Variants in ZNF200 observed in about 807,000 individuals in gnomAD.
ZNF200 encodes zinc finger protein 200.
ZNF200 carries 35 observed loss-of-function variants against 33.6 expected under a neutral mutation model. The observed-to-expected ratio is 1.04, with a 90% CI of 0.80 to 1.38. The LOEUF (loss-of-function observed/expected upper bound fraction) is 1.38, where lower values mean the gene tolerates loss of function less well. ZNF200 is among the 40% of genes most tolerant of loss of function. The pLI is 0.00. For synonymous variants in ZNF200, 209 were observed against 167.7 expected, an observed-to-expected ratio of 1.25 and a Z score of -1.90; for missense variants, 592 against 470.6, an observed-to-expected ratio of 1.26 and a Z score of -2.39.
rs1248728635 is a variant in ZNF200 at position 3,224,067 on chromosome 16, C to G, written c.1013G>C (p.Cys338Ser). Residue 338 changes from cysteine (C) to serine (S), a missense_variant, in exon 5 of 5, where the codon TGT becomes TCT. Transcript: ENST00000414144. The stretch of plus-strand genomic sequence containing the variant: ...TGGGAAGGTTTTCCCACATTCTGGA[C>G]ACTTAAATATCTTCTCCCTTATATG... ...GIHIREKIFK[C>S]PECGKTFPKN... 1 of 1,614,056 alleles carries G rather than the reference C, an allele frequency of 6.2e-7. No homozygotes were observed. Among genetic ancestry groups the G allele is most frequent in the Non-Finnish European group, 8.5e-7 (1 of 1,180,050 alleles).
At position 3,235,121 on chromosome 16, in the gene ZNF200, G is replaced by T. The variant is rs1265021663; in HGVS notation, c.-216C>A. ...TTCCGAGTGCCCTCACAGGTCGCCG[G>T]CGACTATTCGTTCGCGCCGCCGCCA... On this transcript the variant is annotated 5_prime_UTR_variant, in exon 1 of 5. Transcript: ENST00000414144. 1 of 152,228 alleles carries T rather than the reference G, an allele frequency of 6.6e-6. No homozygotes were observed. Among genetic ancestry groups the T allele is most frequent in the Non-Finnish European group, 1.5e-5 (1 of 68,048 alleles). The allele number at this position is 152,228 out of a possible 1,614,324, so 9.4% of individuals were successfully genotyped here.
rs758938874 is a variant in ZNF200, at chr16:3,233,692, G to A, written c.64C>T (p.Pro22Ser). The A allele has an allele frequency of 1.2e-6, 2 of 1,613,766 alleles. No homozygotes were observed. The highest frequency in any genetic ancestry group is 1.7e-5 in the Admixed American group (1 of 60,026). The change falls in exon 2 of 5, where the codon CCG becomes TCG. Residue 22 changes from proline to serine, a missense_variant. Physicochemically the swap from Pro to Ser is moderately conservative, Grantham distance 74. Coordinates refer to ENST00000414144, the MANE Select transcript of ZNF200 (RefSeq NM_198088.3). ...TCTTGGCCCAGCTTGGAGTCTGGCG[G>A]AACTCTCAGTATAAAGGACTGCTTT... ...KPKQSFILRVPPDSKLGQDLL... is the reference protein window; with the variant it reads ...KPKQSFILRVSPDSKLGQDLL...
In ZNF200 at chr16:3,224,003, C is replaced by G; in HGVS notation, c.1077G>C (p.Glu359Asp). Reference sequence around the variant, plus strand: ...TTTTGCAACCATATGGTCTCTCAGCCTCATGACTCTGCAGATGAAGCACAA... The same window carrying G: ...TTTTGCAACCATATGGTCTCTCAGCGTCATGACTCTGCAGATGAAGCACAA... ...EEFVLHLQSH[E>D]AERPYGCKKC... The change falls in exon 5 of 5, where the codon GAG becomes GAC. Residue 359 changes from glutamate (E) to aspartate (D), a missense_variant. Glu to Asp is a conservative substitution (Grantham distance 45, BLOSUM62 2). Transcript: ENST00000414144. 6.2e-7 allele frequency: 1 copy of G among 1,614,184 alleles called. No individual in the cohort carries two copies. Among genetic ancestry groups the G allele is most frequent in the Non-Finnish European group, 8.5e-7 (1 of 1,180,044 alleles).
rs113439786 is a variant in ZNF200, at chr16:3,222,553, GAATAT to G, written c.*1334_*1338del. 48 of 152,202 alleles carry G rather than the reference GAATAT, an allele frequency of 3.2e-4. 2 individuals carry two copies. Among genetic ancestry groups the G allele is most frequent in the African/African-American group, 1.0e-3 (42 of 41,522 alleles). The allele number at this position is 152,202 out of a possible 1,614,324, so 9.4% of individuals were successfully genotyped here. A position where few individuals can be genotyped will look rare whatever the true frequency, so the allele number is the denominator to read the frequency against. ...AAGAAAATTAGAAAAATTTTCACAGGAATATAATACTCTAATAAATAGAAAGGCAT... is the reference window on the plus strand; with the variant it reads ...AAGAAAATTAGAAAAATTTTCACAGGAATACTCTAATAAATAGAAAGGCAT... On this transcript the variant is annotated 3_prime_UTR_variant, in exon 5 of 5. Coordinates refer to ENST00000414144, the MANE Select transcript of ZNF200 (RefSeq NM_198088.3).
intron 4 of ZNF200, 125 bp from the exon 5 acceptor site, chr16:3,224,738 GT>G: frequency 8.2e-7 from 1 of 1,226,192 alleles, no homozygotes; most frequent in Non-Finnish European, 1.1e-6. Context: ...GGATACTGCC[GT>G]CGCACTCCTT....
rs764561810 is a variant in ZNF200, at chr16:3,223,859, C to A, written c.*33G>T. The A allele has an allele frequency of 1.3e-6, 2 of 1,567,130 alleles. No individual in the cohort carries two copies. The highest frequency in any genetic ancestry group is 2.4e-5 in the South Asian group (2 of 83,000). On this transcript the variant is annotated 3_prime_UTR_variant, in exon 5 of 5. Coordinates refer to ENST00000414144, the MANE Select transcript of ZNF200 (RefSeq NM_198088.3). ...ACTTATGAAAGCTCTCAGGTTGAGGCAGCACCATCAGACCCAGAAAGGGTT... is the reference window on the plus strand; with the variant it reads ...ACTTATGAAAGCTCTCAGGTTGAGGAAGCACCATCAGACCCAGAAAGGGTT...
chr16:3,231,055 G>C (rs1958623388), intron 4 of ZNF200, among the ~76,000 whole-genome samples: 2 of 152,276 alleles, frequency 1.3e-5, no homozygotes, highest in South Asian at 4.1e-4. Context: ...GAAAAAACTA[G>C]TACATTTATG....
In ZNF200 at chr16:3,223,942, TAC is replaced by T. The variant is rs781481686; in HGVS notation, c.1136_1137del (p.Cys379TyrfsTer4). ...GCTGAGTGGGTTTTCTCATGCCGGG[TAC>T]AGTTTGACAGCCGACCAAATCTTCT... is the stretch of plus-strand genomic sequence containing the variant. ...CGRRFGRLSN[C>X]TRHEKTHSAC... On this transcript the variant is annotated frameshift_variant, in exon 5 of 5. Coordinates refer to ENST00000414144, the MANE Select transcript of ZNF200 (RefSeq NM_198088.3). LOFTEE classifies it high-confidence loss of function. 1.2e-5 allele frequency: 20 copies of T among 1,613,926 alleles called. No individual in the cohort carries two copies. The African/African-American group carries it at 1.3e-4, about 11-fold the overall frequency.
At chr16:3,226,673 C>G (rs1958482201) in intron 4 of ZNF200, 1 of 152,194 alleles carries the variant, frequency 6.6e-6, no homozygotes, top group Non-Finnish European at 1.5e-5. Context: ...ACTTGGACTG[C>G]TTCCAACCTT....
chr16:3,233,411 C>T lies in ZNF200; in HGVS notation c.250+95G>A. ...GAATTGACTCCTTTTCCAATATACA[C>T]CATCCTAACTTGAATTTATAACTAA... On this transcript the variant is annotated intron_variant, in intron 2 of 4. Transcript: ENST00000414144. The T allele has an allele frequency of 3.4e-6, 5 of 1,451,986 alleles. No homozygotes were observed. In the South Asian group the frequency reaches 6.1e-5, roughly 18 times the overall value. 89.9% of individuals were successfully genotyped at this position (1,451,986 alleles called of 1,614,324 possible). A position where few individuals can be genotyped will look rare whatever the true frequency, so the allele number is the denominator to read the frequency against.
chr16:3,224,636 C>A, intron 4 of ZNF200, 23 bp from the exon 5 acceptor site: 1 of 1,562,104 alleles, frequency 6.4e-7, no homozygotes, highest in Non-Finnish European at 8.6e-7. Flanking sequence ...GAGAATTTAA[C>A]AACTTCTGAG....
Position 3,231,045 on chromosome 16 carries a change from G to A in ZNF200, c.466+1376C>T, listed in dbSNP as rs118077539. Among the ~76,000 whole-genome samples, 1,640 of 152,246 alleles carry A rather than the reference G, an allele frequency of 0.011. 188 individuals carry two copies. In the South Asian group the frequency reaches 0.27, roughly 25 times the overall value. ...ATTCCAGAACCCAATCCTGCCTGAGGAAAAAACTAGTACATTTATGAAATG... is the reference window on the plus strand; with the variant it reads ...ATTCCAGAACCCAATCCTGCCTGAGAAAAAAACTAGTACATTTATGAAATG... On this transcript the variant is annotated intron_variant, in intron 4 of 4. Transcript: ENST00000414144.
rs1958391963 is a variant in ZNF200 at position 3,223,821 on chromosome 16, G to A, written c.*71C>T. On this transcript the variant is annotated 3_prime_UTR_variant, in exon 5 of 5. Coordinates refer to ENST00000414144, the MANE Select transcript of ZNF200 (RefSeq NM_198088.3). ...CATTTATACCTTTTTAGGCAGCTTG[G>A]GAATTCAGAACTACTTATGAAAGCT... 1 of 1,510,444 alleles carries A rather than the reference G, an allele frequency of 6.6e-7. No individual in the cohort carries two copies. Among genetic ancestry groups the A allele is most frequent in the African/African-American group, 1.4e-5 (1 of 71,492 alleles). 93.6% of individuals were successfully genotyped at this position (1,510,444 alleles called of 1,614,324 possible). A position where few individuals can be genotyped will look rare whatever the true frequency, so the allele number is the denominator to read the frequency against.
chr16:3,227,337 G>A (rs185666175), intron 4 of ZNF200: 1 of 152,204 alleles, frequency 6.6e-6, no homozygotes, highest in African/African-American at 2.4e-5. Flanking sequence ...TGGTTATAAA[G>A]GAATCACTCA....
chr16:3,230,370 A>G (rs942019614), intron 4 of ZNF200, among the ~76,000 whole-genome samples: 2 of 152,216 alleles, frequency 1.3e-5, no homozygotes, highest in African/African-American at 4.8e-5. Context: ...GATCTTTATT[A>G]TTAATTTCTA....
At position 3,232,941 on chromosome 16, in the gene ZNF200, T is replaced by C; in HGVS notation, c.251-20A>G. On this transcript the variant is annotated intron_variant, in intron 2 of 4. Transcript: ENST00000414144. ...GATGCACTGGGGAAAGAGGAAGGTT[T>C]AGTTAGTGAAAAACTCAGTGACTCT... 1 of 1,610,470 alleles carries C rather than the reference T, an allele frequency of 6.2e-7. No homozygotes were observed. Among genetic ancestry groups the C allele is most frequent in the South Asian group, 1.1e-5 (1 of 90,988 alleles).
Position 3,223,714 on chromosome 16 carries a change from C to A in ZNF200, c.*178G>T. On this transcript the variant is annotated 3_prime_UTR_variant, in exon 5 of 5. Coordinates refer to ENST00000414144, the MANE Select transcript of ZNF200 (RefSeq NM_198088.3). ...TGAGGTATAGCCCTTGAAATGTTTT[C>A]TTCCCTGTGAATTTTCTAGCAATTT... 1 of 968,840 alleles carries A rather than the reference C, an allele frequency of 1.0e-6. No individual in the cohort carries two copies. Among genetic ancestry groups the A allele is most frequent in the East Asian group, 2.5e-5 (1 of 39,418 alleles). The allele number at this position is 968,840 out of a possible 1,614,324, so 60.0% of individuals were successfully genotyped here.
In ZNF200 at chr16:3,222,547, T is replaced by C. The variant is rs2141606954; in HGVS notation, c.*1345A>G. 6.6e-6 allele frequency: 1 copy of C among 152,306 alleles called. No individual in the cohort carries two copies. The highest frequency in any genetic ancestry group is 6.5e-5 in the Admixed American group (1 of 15,296). The allele number at this position is 152,306 out of a possible 1,614,324, so 9.4% of individuals were successfully genotyped here. A position where few individuals can be genotyped will look rare whatever the true frequency, so the allele number is the denominator to read the frequency against. On this transcript the variant is annotated 3_prime_UTR_variant, in exon 5 of 5. Transcript: ENST00000414144. ...CAAGTGAAGAAAATTAGAAAAATTT[T>C]CACAGGAATATAATACTCTAATAAA... is the stretch of plus-strand genomic sequence containing the variant.
chr16:3,224,779 ACTGAT>A (rs769607156), intron 4 of ZNF200, 166 bp from the exon 5 acceptor site: 2 of 795,366 alleles, frequency 2.5e-6, no homozygotes, highest in East Asian at 2.7e-5. Context: ...GGGATACATA[ACTGAT>A]AAATCTTTCC....
Sources: allele counts gnomAD v4.1 joint callset (sites outside exome capture counted in the v4.1 genomes callset), GRCh38; gene constraint gnomAD v4.1.1; transcripts MANE v1.5; gene names NCBI Gene and HGNC (gene_info 2026-07-23, HGNC 2026-07-21).